Variants in EXOC6B observed in about 807,000 individuals in gnomAD.
EXOC6B encodes exocyst complex component 6B.
A neutral mutation model predicts 113.5 loss-of-function variants in EXOC6B; 54 were observed. The observed-to-expected ratio is 0.48, with a 90% CI of 0.38 to 0.60. The LOEUF is 0.60. Ranked by LOEUF, EXOC6B falls within the 20% of genes least tolerant of loss-of-function variation. The probability of loss-of-function intolerance (pLI) is 0.00; values close to 1 mark genes in which losing one functional copy is unlikely to be tolerated. For missense variants in EXOC6B, 797 were observed against 977.5 expected (o/e 0.82, Z 2.46); for synonymous variants, 357 against 339.0 (o/e 1.05, Z -0.58).
intron 6 of EXOC6B, among the ~76,000 whole-genome samples, chr2:72,623,607 C>G (rs1671875015): frequency 6.6e-6 from 1 of 152,126 alleles, no homozygotes; most frequent in Non-Finnish European, 1.5e-5. Context: ...TAGTCACTAC[C>G]CCCCAACTCC....
intron 6 of EXOC6B, among the ~76,000 whole-genome samples, chr2:72,576,771 T>C (rs1573425329): frequency 6.6e-6 from 1 of 152,202 alleles, no homozygotes; most frequent in Non-Finnish European, 1.5e-5. Flanking sequence ...TAACCCAGCA[T>C]GTTCCAAAAA....
At chr2:72,246,394 T>A (rs2104526690) in intron 20 of EXOC6B, among the ~76,000 whole-genome samples, 1 of 152,308 alleles carries the variant, frequency 6.6e-6, no homozygotes, top group South Asian at 2.1e-4. Flanking sequence ...GACCTATAGT[T>A]TTCATTGTTA....
At chr2:72,322,509 A>G (rs1687894971) in intron 20 of EXOC6B, among the ~76,000 whole-genome samples, 1 of 152,188 alleles carries the variant, frequency 6.6e-6, no homozygotes, top group Non-Finnish European at 1.5e-5. Flanking sequence ...TGGTGGGTAC[A>G]TGGAGTTGTA....
chr2:72,465,136 A>G (rs778632495), intron 18 of EXOC6B, 24 bp downstream of exon 18: 1 of 1,428,232 alleles, frequency 7.0e-7, no homozygotes, highest in Non-Finnish European at 9.2e-7. Context: ...TATATAAAGG[A>G]CAAAGTAAGC....
At chr2:72,589,035 G>A (rs1705762062) in intron 6 of EXOC6B, among the ~76,000 whole-genome samples, 1 of 151,766 alleles carries the variant, frequency 6.6e-6, no homozygotes, top group African/African-American at 2.4e-5. Context: ...GAAACAAAAG[G>A]CAGTGACGCC....
intron 8 of EXOC6B, among the ~76,000 whole-genome samples, chr2:72,540,800 C>T (rs1702555491): frequency 1.3e-5 from 2 of 152,178 alleles, no homozygotes; most frequent in Non-Finnish European, 2.9e-5. Context: ...GGATGTTTTG[C>T]ACTGTAACAG....
chr2:72,310,394 G>C (rs1180480661), intron 20 of EXOC6B, among the ~76,000 whole-genome samples: 1 of 152,084 alleles, frequency 6.6e-6, no homozygotes, highest in East Asian at 1.9e-4. Flanking sequence ...ACTAATGATG[G>C]TAAGCATCTT....
rs376171671 is a variant in EXOC6B at position 72,442,430 on chromosome 2, A to C, written c.1980+22730T>G. 1.9e-4 allele frequency among the ~76,000 whole-genome samples: 29 copies of C among 152,264 alleles called. No homozygotes were observed. In the South Asian group the frequency reaches 4.6e-3, roughly 24 times the overall value. On this transcript the variant is annotated intron_variant, in intron 18 of 21. Transcript: ENST00000272427. The stretch of plus-strand genomic sequence containing the variant: ...GGAAATCAGGCAAGAGAAAGAAATA[A>C]AGGGCATTGAAATAGTCTGCAAACT...
At chr2:72,607,350 C>T (rs1670814463) in intron 6 of EXOC6B, among the ~76,000 whole-genome samples, 1 of 152,080 alleles carries the variant, frequency 6.6e-6, no homozygotes, top group Non-Finnish European at 1.5e-5. Flanking sequence ...TGGAATGACC[C>T]AGATGCCAGC....
chr2:72,354,687 A>C (rs1351386507), intron 19 of EXOC6B, among the ~76,000 whole-genome samples: 2 of 152,216 alleles, frequency 1.3e-5, no homozygotes, highest in Non-Finnish European at 2.9e-5. Context: ...AAGCCCTCTC[A>C]GAGAGTATAG....
chr2:72,492,467 G>T, intron 15 of EXOC6B, 38 bp from the exon 16 acceptor site: 1 of 1,383,210 alleles, frequency 7.2e-7, no homozygotes. Flanking sequence ...ATAGCAGGTA[G>T]CAGAATTATT....
At chr2:72,578,876 A>C (rs1185770519) in intron 6 of EXOC6B, among the ~76,000 whole-genome samples, 3 of 152,122 alleles carry the variant, frequency 2.0e-5, no homozygotes, top group African/African-American at 4.8e-5. Flanking sequence ...GTATAATTAG[A>C]GTATAGGTTA....
chr2:72,306,371 C>T (rs1029715826), intron 20 of EXOC6B, among the ~76,000 whole-genome samples: 1 of 152,090 alleles, frequency 6.6e-6, no homozygotes, highest in African/African-American at 2.4e-5. Flanking sequence ...ATAACTGTGT[C>T]ATTATAATAT....
intron 18 of EXOC6B, among the ~76,000 whole-genome samples, chr2:72,440,883 A>C (rs903950569): frequency 1.3e-5 from 2 of 152,172 alleles, no homozygotes; most frequent in Non-Finnish European, 2.9e-5. Context: ...TTGCTATCCT[A>C]CTTTCTGACA....
At chr2:72,524,167 A>C (rs1295632047) in intron 8 of EXOC6B, among the ~76,000 whole-genome samples, 2 of 152,040 alleles carry the variant, frequency 1.3e-5, no homozygotes, top group African/African-American at 2.4e-5. Context: ...AAAAAAAAAA[A>C]AAAACTGAAA....
intron 20 of EXOC6B, among the ~76,000 whole-genome samples, chr2:72,241,993 G>T (rs1336597413): frequency 6.6e-6 from 1 of 152,042 alleles, no homozygotes; most frequent in Non-Finnish European, 1.5e-5. Context: ...GATTGCTTGA[G>T]CCCAGAAGTG....
intron 7 of EXOC6B, among the ~76,000 whole-genome samples, chr2:72,559,754 A>T (rs1703782533): frequency 6.6e-6 from 1 of 152,218 alleles, no homozygotes; most frequent in Non-Finnish European, 1.5e-5. Flanking sequence ...GCCCACAAGG[A>T]TGGGTAGCAA....
At chr2:72,426,963 C>T (rs993684011) in intron 18 of EXOC6B, among the ~76,000 whole-genome samples, 14 of 152,212 alleles carry the variant, frequency 9.2e-5, no homozygotes, top group African/African-American at 2.4e-4. Context: ...CTGCCACCCT[C>T]GTGCAGCCAG....
intron 8 of EXOC6B, among the ~76,000 whole-genome samples, chr2:72,531,992 A>G (rs1702029346): frequency 6.6e-6 from 1 of 152,116 alleles, no homozygotes; most frequent in African/African-American, 2.4e-5. Flanking sequence ...TCTCAAAAAA[A>G]ATAAAAATAA....
Sources: gnomAD v4.1 joint callset for allele counts (sites outside exome capture counted in the v4.1 genomes callset) on GRCh38, gnomAD v4.1.1 for gene constraint, MANE v1.5 for transcripts, NCBI Gene and HGNC (gene_info 2026-07-23, HGNC 2026-07-21) for gene names.